UBE2K: variants seen among roughly 807,000 people sequenced by gnomAD.
The protein encoded by UBE2K is ubiquitin-conjugating enzyme E2 K.
A neutral mutation model predicts 30.0 loss-of-function variants in UBE2K; 6 were observed. The observed-to-expected ratio is 0.20, with a 90% confidence interval of 0.11 to 0.39. The LOEUF (loss-of-function observed/expected upper bound fraction) is 0.39, where lower values mean the gene tolerates loss of function less well. Ranked by LOEUF, UBE2K falls within the 10% of genes least tolerant of loss-of-function variation. UBE2K has a pLI of 1.00. For synonymous variants in UBE2K, 86 were observed against 83.7 expected, an observed-to-expected ratio of 1.03 and a Z score of -0.15; for missense variants, 61 against 241.6, an observed-to-expected ratio of 0.25 and a Z score of 4.96.
At chr4:39,739,350 AATCT>A (rs1170014598) in intron 2 of UBE2K, among the ~76,000 whole-genome samples, 1 of 150,354 alleles carries the variant, frequency 6.7e-6, no homozygotes, top group Non-Finnish European at 1.5e-5. Flanking sequence ...ACTTTTTAAA[AATCT>A]AATATTCTTG....
At chr4:39,699,011 C>T (rs552505686) in intron 1 of UBE2K, among the ~76,000 whole-genome samples, 64 of 152,200 alleles carry the variant, frequency 4.2e-4, no homozygotes, top group African/African-American at 1.4e-3. Flanking sequence ...GGAATTTTCA[C>T]CTGAGTTAGC....
chr4:39,704,975 A>G (rs753007495), intron 1 of UBE2K, among the ~76,000 whole-genome samples: 9 of 150,448 alleles, frequency 6.0e-5, no homozygotes, highest in Non-Finnish European at 8.8e-5. Context: ...GGTTCAAGCA[A>G]TTCTCCTGTC....
chr4:39,722,119 A>C (rs1401655074), intron 1 of UBE2K, among the ~76,000 whole-genome samples: 1 of 152,138 alleles, frequency 6.6e-6, no homozygotes, highest in Non-Finnish European at 1.5e-5. Flanking sequence ...TCTATTTTTC[A>C]GTTGACTTAA....
chr4:39,729,654 C>T (rs192552803), intron 1 of UBE2K, among the ~76,000 whole-genome samples: 1 of 152,254 alleles, frequency 6.6e-6, no homozygotes, highest in East Asian at 1.9e-4. Context: ...CAGGTGATCT[C>T]TAAGAGACCC....
chr4:39,723,835 A>C (rs1313383000), intron 1 of UBE2K, among the ~76,000 whole-genome samples: 1 of 152,198 alleles, frequency 6.6e-6, no homozygotes, highest in African/African-American at 2.4e-5. Flanking sequence ...TTTTTGAGAC[A>C]GAGTTTCTCT....
At chr4:39,725,402 A>C (rs994900988) in intron 1 of UBE2K, among the ~76,000 whole-genome samples, 7 of 144,254 alleles carry the variant, frequency 4.9e-5, no homozygotes, top group African/African-American at 7.8e-5. Context: ...AAAAAAAAAA[A>C]AAAACACCTC....
At chr4:39,761,352 AGTGTTTTGAATGAAC>A (rs1373157837) in intron 4 of UBE2K, 1 of 152,238 alleles carries the variant, frequency 6.6e-6, no homozygotes, top group Non-Finnish European at 1.5e-5. Context: ...AGTAGCATTT[AGTGTTTTGAATGAAC>A]GTGGTTTAAT....
intron 2 of UBE2K, among the ~76,000 whole-genome samples, chr4:39,738,210 C>T (rs550151894): frequency 2.6e-5 from 4 of 152,240 alleles, no homozygotes; most frequent in Admixed American, 6.5e-5. Context: ...AATAACTATT[C>T]AAATATTTGT....
intron 4 of UBE2K, chr4:39,771,518 G>A: frequency 2.1e-6 from 3 of 1,402,334 alleles, no homozygotes; most frequent in South Asian, 1.5e-5. Context: ...CCGCGGGGCC[G>A]GAAGCGCCCC....
intron 1 of UBE2K, among the ~76,000 whole-genome samples, chr4:39,707,735 G>T (rs1216761936): frequency 6.6e-6 from 1 of 151,496 alleles, no homozygotes; most frequent in South Asian, 2.1e-4. Flanking sequence ...GCCCAGGTTG[G>T]TCTTGAACTC....
At chr4:39,726,703 C>G (rs1240909091) in intron 1 of UBE2K, among the ~76,000 whole-genome samples, 1 of 152,140 alleles carries the variant, frequency 6.6e-6, no homozygotes, top group Non-Finnish European at 1.5e-5. Context: ...TCAGACGATT[C>G]TCCTCCCTCA....
chr4:39,774,032 TCA>T (rs919621368), intron 4 of UBE2K, among the ~76,000 whole-genome samples: 1 of 151,972 alleles, frequency 6.6e-6, no homozygotes, highest in African/African-American at 2.4e-5. Context: ...GTGTAGTAGC[TCA>T]CACCTGTAAC....
At chr4:39,725,377 CAAAAAAAAAAAAAA>C (rs56021137) in intron 1 of UBE2K, among the ~76,000 whole-genome samples, 129 of 69,300 alleles carry the variant, frequency 1.9e-3, no homozygotes, top group Middle Eastern at 9.3e-3. Flanking sequence ...GACCCTGTCT[CAAAAAAAAAAAAAA>C]AAAAAAAAAA....
At chr4:39,745,879 A>T in intron 3 of UBE2K, 69 bp downstream of exon 3, 6 of 1,222,286 alleles carry the variant, frequency 4.9e-6, no homozygotes, top group Non-Finnish European at 6.9e-6. Flanking sequence ...TTTTATTAAT[A>T]TATATTTTAG....
intron 3 of UBE2K, among the ~76,000 whole-genome samples, chr4:39,747,601 A>T (rs1721045612): frequency 6.6e-6 from 1 of 151,964 alleles, no homozygotes; most frequent in African/African-American, 2.4e-5. Flanking sequence ...GTTAATGGAT[A>T]TTTGGATTTT....
intron 4 of UBE2K, among the ~76,000 whole-genome samples, chr4:39,771,935 G>C (rs1156841111): frequency 6.6e-6 from 1 of 152,112 alleles, no homozygotes; most frequent in South Asian, 2.1e-4. Flanking sequence ...TCGCCTCCCA[G>C]GTTCGAGCGA....
intron 1 of UBE2K, among the ~76,000 whole-genome samples, chr4:39,726,326 T>G (rs1340028114): frequency 6.6e-6 from 1 of 152,052 alleles, no homozygotes; most frequent in African/African-American, 2.4e-5. Context: ...CTGCTAAAAT[T>G]TTTAAACTTG....
intron 4 of UBE2K, among the ~76,000 whole-genome samples, chr4:39,774,262 C>T (rs973685758): frequency 6.6e-6 from 1 of 151,834 alleles, no homozygotes; most frequent in African/African-American, 2.4e-5. Context: ...CAAGATAGTG[C>T]CACTGCCCAC....
At chr4:39,699,735 A>G (rs961827516) in intron 1 of UBE2K, among the ~76,000 whole-genome samples, 1 of 152,200 alleles carries the variant, frequency 6.6e-6, no homozygotes, top group African/African-American at 2.4e-5. Context: ...TAAGTATGTG[A>G]TGAGTATACA....
Sources: gnomAD v4.1 joint callset for allele counts (sites outside exome capture counted in the v4.1 genomes callset) on GRCh38, gnomAD v4.1.1 for gene constraint, MANE v1.5 for transcripts, NCBI Gene and HGNC (gene_info 2026-07-23, HGNC 2026-07-21) for gene names.